Variants in PEAK1 observed in about 807,000 individuals in gnomAD.
PEAK1 encodes the protein pseudopodium enriched atypical kinase 1.
A neutral mutation model predicts 124.7 loss-of-function variants in PEAK1; 54 were observed. That is an observed-to-expected ratio of 0.43 (90% CI 0.35 to 0.54). PEAK1 has a LOEUF of 0.54. Ranked by LOEUF, PEAK1 falls within the 20% of genes least tolerant of loss-of-function variation. The pLI, the probability that PEAK1 is intolerant of heterozygous loss-of-function variation, is 0.01. For synonymous variants in PEAK1, 719 were observed against 760.0 expected, an observed-to-expected ratio of 0.95 and a Z score of 0.89; for missense variants, 2,046 against 2,134.5, an observed-to-expected ratio of 0.96 and a Z score of 0.82.
chr15:77,219,942 A>G (rs973510544), intron 6 of PEAK1, among the ~76,000 whole-genome samples: 1 of 152,166 alleles, frequency 6.6e-6, no homozygotes, highest in South Asian at 2.1e-4. Context: ...TAGTTGTTAA[A>G]TAATTTTATT....
intron 5 of PEAK1, among the ~76,000 whole-genome samples, chr15:77,257,199 G>A (rs1251136898): frequency 1.3e-5 from 2 of 152,032 alleles, no homozygotes; most frequent in African/African-American, 2.4e-5. Flanking sequence ...GTGTGCATGT[G>A]TCTTTATAGC....
At chr15:77,331,288 C>T (rs2065877609) in intron 2 of PEAK1, 2 of 152,954 alleles carry the variant, frequency 1.3e-5, no homozygotes, top group Admixed American at 1.3e-4. Flanking sequence ...TGCCACCACG[C>T]CCAGCTAATT....
chr15:77,148,995 A>C (rs2054375844), intron 8 of PEAK1, among the ~76,000 whole-genome samples: 5 of 152,186 alleles, frequency 3.3e-5, no homozygotes, highest in Admixed American at 3.3e-4. Context: ...AAATAAAGGA[A>C]TTCACAACTA....
intron 2 of PEAK1, among the ~76,000 whole-genome samples, chr15:77,306,837 C>G (rs144873272): frequency 1.3e-5 from 2 of 152,252 alleles, no homozygotes; most frequent in East Asian, 3.9e-4. Context: ...CTATTGCCAA[C>G]ATTACCTCAC....
In PEAK1 at chr15:77,179,342, G is replaced by A. The variant is rs1317193406; in HGVS notation, c.2585C>T (p.Pro862Leu). ...AAAGGGAGCTGGTGGCTCACTTTGG[G>A]GGCTAGTCACTAATTTGGAGGGAGA... ...TPSPSKLVTS[P>L]QSEPPAPFPP... is the part of the protein sequence containing the mutation. Residue 862 changes from proline to leucine, a missense_variant, in exon 7 of 10, where the codon CCC becomes CTC. Coordinates refer to ENST00000682557, the MANE Select transcript of PEAK1 (RefSeq NM_001385026.1). 1.2e-6 allele frequency: 2 copies of A among 1,613,894 alleles called. No individual in the cohort carries two copies. Among genetic ancestry groups the A allele is most frequent in the Non-Finnish European group, 1.7e-6 (2 of 1,179,992 alleles).
At chr15:77,323,803 C>CA (rs1567259680) in intron 2 of PEAK1, among the ~76,000 whole-genome samples, 1 of 152,092 alleles carries the variant, frequency 6.6e-6, no homozygotes, top group African/African-American at 2.4e-5. Context: ...CATATGGAAC[C>CA]AAAAAAGAGC....
chr15:77,293,393 C>A (rs2063323645), intron 2 of PEAK1, among the ~76,000 whole-genome samples: 1 of 152,200 alleles, frequency 6.6e-6, no homozygotes, highest in African/African-American at 2.4e-5. Context: ...ATCATACTGA[C>A]ACTCATACCT....
chr15:77,238,263 T>A (rs1411980180), intron 6 of PEAK1, among the ~76,000 whole-genome samples: 1 of 152,166 alleles, frequency 6.6e-6, no homozygotes, highest in Non-Finnish European at 1.5e-5. Context: ...TATCCCACTA[T>A]CTTTTTGCAT....
Position 77,375,926 on chromosome 15 carries a change from G to A in PEAK1, c.-665-10701C>T, listed in dbSNP as rs998642479. Among the ~76,000 whole-genome samples the A allele has an allele frequency of 3.9e-5, 6 of 152,122 alleles. No individual in the cohort carries two copies. The South Asian group carries it at 1.2e-3, about 32-fold the overall frequency. On this transcript the variant is annotated intron_variant, in intron 1 of 9. Coordinates refer to ENST00000682557, the MANE Select transcript of PEAK1 (RefSeq NM_001385026.1). ...AGGCAGGAGAATGGCGGGAACCCGG[G>A]AGGCGGAGCCTGCAGTGAGCCGAGA... is the stretch of plus-strand genomic sequence containing the variant.
intron 5 of PEAK1, among the ~76,000 whole-genome samples, chr15:77,274,375 G>A (rs993704411): frequency 7.9e-5 from 12 of 151,838 alleles, no homozygotes; most frequent in African/African-American, 1.2e-4. Flanking sequence ...CAATCTATCC[G>A]ACAAAGGACT....
In PEAK1 at chr15:77,115,248, G is replaced by C. The variant is rs879391355; in HGVS notation, c.4149C>G (p.Val1383=). 1.9e-6 allele frequency: 3 copies of C among 1,614,034 alleles called. No individual in the cohort carries two copies. Among genetic ancestry groups the C allele is most frequent in the Non-Finnish European group, 2.5e-6 (3 of 1,180,030 alleles). ...CACAGTCCTGCTGAATGTTAAAATG[G>C]ACAGCCAGACTCTGCCGGACAGCCA... ...HSLAVRQSLA[V]HFNIQQDCGH... The change falls in exon 10 of 10, where the codon GTC becomes GTG. Residue 1383 remains valine, a synonymous_variant. Transcript: ENST00000682557.
chr15:77,360,207 C>G lies in PEAK1; in HGVS notation c.-603+4956G>C, dbSNP rs2067794304. On this transcript the variant is annotated intron_variant, in intron 2 of 9. Transcript: ENST00000682557. ...CTACATACAAATGAATGAAGTTGAA[C>G]CCCTACATTACACCATTTATAAAAA... Among the ~76,000 whole-genome samples the G allele has an allele frequency of 3.3e-5, 5 of 152,196 alleles. No individual in the cohort carries two copies. In the South Asian group the frequency reaches 1.0e-3, roughly 32 times the overall value.
intron 7 of PEAK1, among the ~76,000 whole-genome samples, chr15:77,163,864 T>G (rs2055875352): frequency 1.3e-5 from 2 of 152,144 alleles, no homozygotes; most frequent in Admixed American, 1.3e-4. Flanking sequence ...TTTTAAAACC[T>G]CCTTTTACCC....
chr15:77,279,069 C>T (rs959673467), intron 5 of PEAK1, among the ~76,000 whole-genome samples: 3 of 151,136 alleles, frequency 2.0e-5, no homozygotes, highest in Non-Finnish European at 4.4e-5. Flanking sequence ...CTCAAGTGAA[C>T]CGGCTGCCTC....
chr15:77,314,901 G>T (rs2064777308), intron 2 of PEAK1, among the ~76,000 whole-genome samples: 1 of 152,092 alleles, frequency 6.6e-6, no homozygotes, highest in Admixed American at 6.5e-5. Context: ...CACTGGGGAG[G>T]TAGGGTGTGG....
At chr15:77,418,877 A>C (rs1418716322) in intron 1 of PEAK1, 11 of 985,456 alleles carry the variant, frequency 1.1e-5, no homozygotes, top group Middle Eastern at 5.2e-4. Flanking sequence ...GTAGGCCCCA[A>C]AACAGAATCC....
intron 6 of PEAK1, among the ~76,000 whole-genome samples, chr15:77,194,153 C>T (rs886113129): frequency 6.6e-5 from 10 of 152,144 alleles, no homozygotes; most frequent in Non-Finnish European, 1.2e-4. Context: ...CTTTTGACTC[C>T]TCCTGGTCCT....
chr15:77,345,700 A>G, intron 2 of PEAK1: 1 of 171,048 alleles, frequency 5.8e-6, no homozygotes, highest in Non-Finnish European at 1.2e-5. Context: ...TAGAGTTAAC[A>G]ACAATTTACT....
chr15:77,278,872 G>A (rs1157948247), intron 5 of PEAK1: 18 of 272,750 alleles, frequency 6.6e-5, no homozygotes, highest in Non-Finnish European at 9.9e-5. Flanking sequence ...TCACTCTATC[G>A]CCCAGGCTGG....
Sources: allele counts gnomAD v4.1 joint callset (sites outside exome capture counted in the v4.1 genomes callset), GRCh38; gene constraint gnomAD v4.1.1; transcripts MANE v1.5; gene names NCBI Gene and HGNC (gene_info 2026-07-23, HGNC 2026-07-21).